Variants in DBX2 observed in about 807,000 individuals in gnomAD.
DBX2 encodes homeobox protein DBX2.
Under a neutral mutation model 17.7 loss-of-function variants are expected in DBX2, and 16 were observed. The observed-to-expected ratio is 0.90, with a 90% CI of 0.61 to 1.37. The LOEUF (loss-of-function observed/expected upper bound fraction) is 1.37, where lower values mean the gene tolerates loss of function less well. Ranked by LOEUF, DBX2 falls within the 40% of genes most tolerant of loss-of-function variation. The pLI is 0.00. For missense variants in DBX2, 538 were observed against 433.8 expected (o/e 1.24, Z -2.13); for synonymous variants, 255 against 183.8 (o/e 1.39, Z -3.13).
intron 3 of DBX2, among the ~76,000 whole-genome samples, chr12:45,019,019 T>C (rs901444829): frequency 4.6e-5 from 7 of 151,924 alleles, no homozygotes; most frequent in Admixed American, 1.3e-4. Flanking sequence ...GTTTAATGGA[T>C]AGAGTTTCAG....
At chr12:45,022,526 G>A (rs1295602341) in intron 3 of DBX2, among the ~76,000 whole-genome samples, 2 of 151,772 alleles carry the variant, frequency 1.3e-5, no homozygotes, top group Non-Finnish European at 2.9e-5. Flanking sequence ...GGATGGTCTC[G>A]ATCTCCTGAC....
At chr12:45,036,810 T>TA (rs1337960763) in intron 1 of DBX2, among the ~76,000 whole-genome samples, 12 of 152,200 alleles carry the variant, frequency 7.9e-5, no homozygotes, top group African/African-American at 2.9e-4. Context: ...TTACATGACT[T>TA]AAAGTATTTG....
chr12:45,024,766 G>A (rs184891772), intron 2 of DBX2, among the ~76,000 whole-genome samples: 13 of 152,274 alleles, frequency 8.5e-5, no homozygotes, highest in Non-Finnish European at 1.8e-4. Context: ...TAAGGAGGGA[G>A]ATTTGGGAAC....
At chr12:45,044,372 T>G (rs1429996588) in intron 1 of DBX2, among the ~76,000 whole-genome samples, 1 of 152,172 alleles carries the variant, frequency 6.6e-6, no homozygotes, top group East Asian at 1.9e-4. Context: ...TCTCAAAGAA[T>G]GACTTATTAA....
chr12:45,020,727 G>A (rs1946347630), intron 3 of DBX2, among the ~76,000 whole-genome samples: 1 of 150,902 alleles, frequency 6.6e-6, no homozygotes, highest in African/African-American at 2.4e-5. Context: ...TTCTTCACTT[G>A]TGAAATAGAG....
chr12:45,034,964 G>A (rs1946431639), intron 2 of DBX2, among the ~76,000 whole-genome samples: 3 of 152,198 alleles, frequency 2.0e-5, no homozygotes, highest in African/African-American at 7.2e-5. Context: ...GATTGGTCAC[G>A]GGTCTGTCAC....
At chr12:45,025,538 C>T (rs140179656) in intron 2 of DBX2, among the ~76,000 whole-genome samples, 1,847 of 151,870 alleles carry the variant, frequency 0.012, 9 homozygotes, top group Non-Finnish European at 0.02. Flanking sequence ...ATCAGGCTCA[C>T]TGAGCCAATT....
At chr12:45,033,078 A>AT (rs1161045046) in intron 2 of DBX2, among the ~76,000 whole-genome samples, 2 of 152,210 alleles carry the variant, frequency 1.3e-5, no homozygotes, top group Admixed American at 6.5e-5. Context: ...CTATTAAACT[A>AT]TTTACTATAT....
At chr12:45,047,852 T>C (rs1045807854) in intron 1 of DBX2, among the ~76,000 whole-genome samples, 2 of 152,168 alleles carry the variant, frequency 1.3e-5, no homozygotes, top group Admixed American at 1.3e-4. Flanking sequence ...AAAAACAAAA[T>C]GAGCAAATGA....
At chr12:45,021,416 A>C (rs1376999991) in intron 3 of DBX2, among the ~76,000 whole-genome samples, 2 of 152,188 alleles carry the variant, frequency 1.3e-5, no homozygotes, top group African/African-American at 4.8e-5. Context: ...TGGCTGTGGC[A>C]TTGTCTTTTC....
rs919826931 is a variant in DBX2, at chr12:45,050,746, T to C, written c.182A>G (p.Asp61Gly). 29 of 1,492,782 alleles carry C rather than the reference T, an allele frequency of 1.9e-5. No homozygotes were observed. Among genetic ancestry groups the C allele is most frequent in the Non-Finnish European group, 2.5e-5 (28 of 1,122,916 alleles). 92.5% of individuals were successfully genotyped at this position (1,492,782 alleles called of 1,614,324 possible). A position where few individuals can be genotyped will look rare whatever the true frequency, so the allele number is the denominator to read the frequency against. ...TPRLQPPAPHDPATALATAGA... is the reference protein window; with the variant it reads ...TPRLQPPAPHGPATALATAGA... Reference sequence around the variant, plus strand: ...CGCGGTGGCCAGGGCGGTCGCCGGGTCGTGGGGCGCGGGCGGCTGCAGCCT... The same window carrying C: ...CGCGGTGGCCAGGGCGGTCGCCGGGCCGTGGGGCGCGGGCGGCTGCAGCCT... Residue 61 changes from aspartate to glycine, a missense_variant, in exon 1 of 4, where the codon GAC becomes GGC. Physicochemically the swap from Asp to Gly is moderately conservative, Grantham distance 94. Transcript: ENST00000332700.
chr12:45,035,936 A>G (rs534833867), intron 2 of DBX2, 83 bp downstream of exon 2: 11 of 1,302,540 alleles, frequency 8.4e-6, no homozygotes, highest in East Asian at 5.0e-5. Context: ...TGCATTACCA[A>G]TTAGTTTTCC....
rs1282839351 is a variant in DBX2 at position 45,016,611 on chromosome 12, ATTT to A, written c.692_694del (p.Lys231del). On this transcript the variant is annotated inframe_deletion, in exon 4 of 4. Transcript: ENST00000332700. ...TTTCATCCTCCTGTTCTGAAACCAA[ATTT>A]TCACCTATTGACAAAATAATTGCAC... is the stretch of plus-strand genomic sequence containing the variant. 8 of 1,517,978 alleles carry A rather than the reference ATTT, an allele frequency of 5.3e-6. No individual in the cohort carries two copies. Among genetic ancestry groups the A allele is most frequent in the Admixed American group, 2.3e-5 (1 of 43,270 alleles). 94.0% of individuals were successfully genotyped at this position (1,517,978 alleles called of 1,614,324 possible).
At chr12:45,028,249 C>T (rs1946391838) in intron 2 of DBX2, among the ~76,000 whole-genome samples, 1 of 152,138 alleles carries the variant, frequency 6.6e-6, no homozygotes, top group Non-Finnish European at 1.5e-5. Context: ...GTGTCTGAAA[C>T]AAGTTTAGGT....
intron 1 of DBX2, among the ~76,000 whole-genome samples, chr12:45,048,796 G>C (rs538379820): frequency 6.6e-6 from 1 of 152,054 alleles, no homozygotes; most frequent in East Asian, 1.9e-4. Flanking sequence ...AATTAATCTA[G>C]AACATCATAT....
At chr12:45,029,879 A>AAATAAAT (rs1946399805) in intron 2 of DBX2, among the ~76,000 whole-genome samples, 2 of 143,208 alleles carry the variant, frequency 1.4e-5, no homozygotes, top group Non-Finnish European at 3.0e-5. Flanking sequence ...AAAAATAATA[A>AAATAAAT]AAATAAATAA....
At chr12:45,023,175 G>A (rs1208786790) in intron 3 of DBX2, among the ~76,000 whole-genome samples, 20 of 152,184 alleles carry the variant, frequency 1.3e-4, no homozygotes, top group Admixed American at 1.3e-3. Context: ...GTATGTAAGT[G>A]TTGCAAATGT....
intron 1 of DBX2, among the ~76,000 whole-genome samples, chr12:45,049,406 C>G (rs1316477756): frequency 6.6e-6 from 1 of 152,102 alleles, no homozygotes; most frequent in African/African-American, 2.4e-5. Flanking sequence ...AAAAGGTTCC[C>G]TAGCATTTAG....
chr12:45,042,572 T>C (rs559733725), intron 1 of DBX2, among the ~76,000 whole-genome samples: 1 of 152,310 alleles, frequency 6.6e-6, no homozygotes, highest in South Asian at 2.1e-4. Context: ...TAAATGCAGT[T>C]GATGGAATGA....
Sources: gnomAD v4.1 joint callset for allele counts (sites outside exome capture counted in the v4.1 genomes callset) on GRCh38, gnomAD v4.1.1 for gene constraint, MANE v1.5 for transcripts, NCBI Gene and HGNC (gene_info 2026-07-23, HGNC 2026-07-21) for gene names.